The following EHBP1 variants were observed in gnomAD, a reference collection of about 807,000 sequenced individuals.
EHBP1 encodes EH domain-binding protein 1.
In EHBP1, 55 loss-of-function variants were observed where a neutral mutation model predicts 144.0. The observed-to-expected ratio is 0.38, with a 90% confidence interval of 0.31 to 0.48. EHBP1 has a LOEUF of 0.48. Among genes scored for constraint, EHBP1 ranks in the 20% least tolerant of loss-of-function variants. The pLI is 0.98. For synonymous variants in EHBP1, 469 were observed against 472.7 expected (o/e 0.99, Z 0.10); for missense variants, 1,200 against 1,364.2 (o/e 0.88, Z 1.90).
At chr2:63,023,709 G>T (rs541272500) in intron 19 of EHBP1, among the ~76,000 whole-genome samples, 1 of 152,226 alleles carries the variant, frequency 6.6e-6, no homozygotes, top group Non-Finnish European at 1.5e-5. Context: ...CTACTAGCAT[G>T]TTGTCCTCCA....
intron 10 of EHBP1, among the ~76,000 whole-genome samples, chr2:62,889,033 G>C (rs1342776872): frequency 7.9e-6 from 1 of 126,294 alleles, no homozygotes; most frequent in African/African-American, 2.9e-5. Flanking sequence ...CATAAATTTT[G>C]GCAGTAGGTA....
chr2:62,837,814 A>G (rs1387097538), intron 7 of EHBP1, among the ~76,000 whole-genome samples: 4 of 152,080 alleles, frequency 2.6e-5, no homozygotes, highest in Non-Finnish European at 5.9e-5. Context: ...TATGCACCCA[A>G]TACGGGAGCA....
At chr2:62,944,825 C>T (rs2056971584) in intron 12 of EHBP1, among the ~76,000 whole-genome samples, 1 of 152,146 alleles carries the variant, frequency 6.6e-6, no homozygotes, top group Non-Finnish European at 1.5e-5. Flanking sequence ...AGGGAAGCAC[C>T]TAACTCAGCA....
At chr2:63,004,506 A>G (rs1214727084) in intron 19 of EHBP1, among the ~76,000 whole-genome samples, 1 of 152,086 alleles carries the variant, frequency 6.6e-6, no homozygotes, top group African/African-American at 2.4e-5. Flanking sequence ...ATATGAAAAT[A>G]ATTTATATTT....
chr2:62,846,765 AT>A (rs1432166703), intron 7 of EHBP1, among the ~76,000 whole-genome samples: 3 of 152,194 alleles, frequency 2.0e-5, no homozygotes, highest in Non-Finnish European at 2.9e-5. Context: ...TAAGAAATAA[AT>A]TTGACATAAG....
intron 5 of EHBP1, among the ~76,000 whole-genome samples, chr2:62,820,197 G>A (rs1238128032): frequency 2.2e-5 from 3 of 135,308 alleles, no homozygotes; most frequent in African/African-American, 8.0e-5. Context: ...GGCAACAAGA[G>A]TGAAACTCTT....
chr2:62,990,609 C>T, intron 15 of EHBP1, 107 bp from the exon 16 acceptor site: 2 of 1,208,596 alleles, frequency 1.7e-6, no homozygotes, highest in Non-Finnish European at 1.2e-6. Context: ...TCCTTTTCTT[C>T]TTTCTTTTAA....
chr2:62,868,532 C>T (rs1385888047), intron 9 of EHBP1, among the ~76,000 whole-genome samples: 1 of 152,154 alleles, frequency 6.6e-6, no homozygotes, highest in Non-Finnish European at 1.5e-5. Context: ...AAACGTTTTT[C>T]TCTTTATAAA....
chr2:62,970,743 G>T (rs1264874373), intron 14 of EHBP1, among the ~76,000 whole-genome samples: 1 of 152,130 alleles, frequency 6.6e-6, no homozygotes, highest in Non-Finnish European at 1.5e-5. Flanking sequence ...TAAAGTTGGG[G>T]ATTGGAGAAG....
intron 2 of EHBP1, among the ~76,000 whole-genome samples, chr2:62,736,879 G>T (rs1026261724): frequency 2.6e-5 from 4 of 152,026 alleles, no homozygotes; most frequent in Admixed American, 2.6e-4. Flanking sequence ...TCTGTTTTTT[G>T]CCTTTTATTA....
intron 6 of EHBP1, among the ~76,000 whole-genome samples, chr2:62,827,858 G>A (rs1225046165): frequency 2.0e-5 from 3 of 151,868 alleles, no homozygotes; most frequent in African/African-American, 4.8e-5. Flanking sequence ...TGGTAGAGAC[G>A]GTGTTTCACC....
chr2:63,025,517 C>T (rs1338639299), intron 19 of EHBP1, among the ~76,000 whole-genome samples: 2 of 152,154 alleles, frequency 1.3e-5, no homozygotes, highest in Admixed American at 6.5e-5. Context: ...GTCACTTCGG[C>T]CATCCAAAGT....
chr2:62,975,495 C>A (rs2058670618), intron 14 of EHBP1, among the ~76,000 whole-genome samples: 1 of 152,128 alleles, frequency 6.6e-6, no homozygotes, highest in East Asian at 1.9e-4. Flanking sequence ...CGGACATTTA[C>A]CTAAGAGCTT....
At chr2:62,890,185 C>T (rs1356706180) in intron 10 of EHBP1, among the ~76,000 whole-genome samples, 1 of 152,102 alleles carries the variant, frequency 6.6e-6, no homozygotes, top group Non-Finnish European at 1.5e-5. Context: ...ATCTGCCCAC[C>T]TCGGCCTCCC....
chr2:62,810,841 G>C (rs2044940695), intron 5 of EHBP1, among the ~76,000 whole-genome samples: 1 of 152,178 alleles, frequency 6.6e-6, no homozygotes, highest in African/African-American at 2.4e-5. Flanking sequence ...AAAATAGTAT[G>C]ACTAAACTTT....
At chr2:62,921,151 A>G (rs545508455) in intron 10 of EHBP1, among the ~76,000 whole-genome samples, 2 of 152,316 alleles carry the variant, frequency 1.3e-5, no homozygotes, top group Admixed American at 6.5e-5. Context: ...TTAGGATGTT[A>G]AATGTAATCC....
chr2:62,859,124 T>TA (rs758290591), intron 7 of EHBP1, 45 bp from the exon 8 acceptor site: 3 of 1,547,326 alleles, frequency 1.9e-6, no homozygotes, highest in Admixed American at 3.7e-5. Context: ...GTTCAATACT[T>TA]ACACTTAACC....
intron 10 of EHBP1, among the ~76,000 whole-genome samples, chr2:62,883,292 G>A (rs2051630731): frequency 6.6e-6 from 1 of 152,168 alleles, no homozygotes; most frequent in South Asian, 2.1e-4. Flanking sequence ...TTTTCTTGTA[G>A]CTTGAAAGTA....
rs1333693864 is a variant in EHBP1 at position 62,993,566 on chromosome 2, A to G, written c.2770A>G (p.Lys924Glu). Residue 924 changes from lysine (K) to glutamate (E), a missense_variant, in exon 17 of 23, where the codon AAA becomes GAA. By Grantham distance (56) the Lys-to-Glu change is moderately conservative. Transcript: ENST00000431489. ...TEDLRTERLQKTTERFRNPVV... is the reference protein window; with the variant it reads ...TEDLRTERLQETTERFRNPVV... ...AGATCTCCGGACTGAACGATTACAA[A>G]AAACAACAGAACGTTTTAGAAATCC... 1.2e-6 allele frequency: 2 copies of G among 1,601,802 alleles called. No homozygotes were observed. Among genetic ancestry groups the G allele is most frequent in the Non-Finnish European group, 1.7e-6 (2 of 1,172,142 alleles).
Sources: allele counts gnomAD v4.1 joint callset (sites outside exome capture counted in the v4.1 genomes callset), GRCh38; gene constraint gnomAD v4.1.1; transcripts MANE v1.5; gene names NCBI Gene and HGNC (gene_info 2026-07-23, HGNC 2026-07-21).